Variants in ROBO3 observed in about 807,000 individuals in gnomAD.
The protein encoded by ROBO3 is roundabout guidance receptor 3.
In ROBO3, 97 loss-of-function variants were observed where a neutral mutation model predicts 160.5. The observed-to-expected ratio is 0.60, with a 90% CI of 0.51 to 0.72. The LOEUF is 0.72. Among genes scored for constraint, ROBO3 ranks in the 30% least tolerant of loss-of-function variants. The pLI, the probability that ROBO3 is intolerant of heterozygous loss-of-function variation, is 0.00. For synonymous variants in ROBO3, 780 were observed against 746.2 expected (o/e 1.05, Z -0.74); for missense variants, 1,858 against 1,846.5 (o/e 1.01, Z -0.11).
rs1384046780 is a variant in ROBO3, at chr11:124,878,365, A to G, written c.3249A>G (p.Glu1083=). 4.3e-6 allele frequency: 7 copies of G among 1,613,852 alleles called. No individual in the cohort carries two copies. The highest frequency in any genetic ancestry group is 1.3e-5 in the African/African-American group (1 of 74,928). The change falls in exon 22 of 28, where the codon GAA becomes GAG. Residue 1083 remains glutamate (E), a synonymous_variant. Transcript: ENST00000397801. The surrounding 1 kb of genome is among the most constrained non-coding windows in gnomAD (Gnocchi z 4.3). The part of the protein sequence containing the change: ...PVQMPSLNWP[E]ALPPPPPSCE... ...AGATGCCCTCTCTGAACTGGCCAGAAGCCCTGCCCCCACCTCCTCCTTCTT... is the reference window on the plus strand; with the variant it reads ...AGATGCCCTCTCTGAACTGGCCAGAGGCCCTGCCCCCACCTCCTCCTTCTT...
In ROBO3 at chr11:124,880,591, G is replaced by A. The variant is rs550979973; in HGVS notation, c.4132G>A (p.Gly1378Arg). Residue 1378 changes from glycine to arginine, a missense_variant, in exon 27 of 28, where the codon GGA becomes AGA. Coordinates refer to ENST00000397801, the MANE Select transcript of ROBO3 (RefSeq NM_022370.4). ...SQSRSQSQRP[G>R]QKRREEPR ...GAGCCGGAGCCAGAGCCAAAGGCCA[G>A]GACAGAAACGCCGAGAGGTAGGGGC... The A allele has an allele frequency of 6.5e-7, 1 of 1,547,990 alleles. No homozygotes were observed. The highest frequency in any genetic ancestry group is 8.7e-7 in the Non-Finnish European group (1 of 1,146,168).
intron 1 of ROBO3, among the ~76,000 whole-genome samples, chr11:124,866,188 C>A (rs533128203): frequency 6.6e-6 from 1 of 152,176 alleles, no homozygotes; most frequent in Non-Finnish European, 1.5e-5. Context: ...CACTTAGGAC[C>A]AGAGGAAGCC....
chr11:124,873,155 T>C lies in ROBO3; in HGVS notation c.1536+66T>C. 1 of 1,527,016 alleles carries C rather than the reference T, an allele frequency of 6.5e-7. No individual in the cohort carries two copies. The highest frequency in any genetic ancestry group is 9.0e-7 in the Non-Finnish European group (1 of 1,112,112). The allele number at this position is 1,527,016 out of a possible 1,614,324, so 94.6% of individuals were successfully genotyped here. A position where few individuals can be genotyped will look rare whatever the true frequency, so the allele number is the denominator to read the frequency against. Reference sequence around the variant, plus strand: ...ATCTGCTCCACGTTCCTTACACAAGTAAGTACTCACTGGGCCTGTAGCCCC... The same window carrying C: ...ATCTGCTCCACGTTCCTTACACAAGCAAGTACTCACTGGGCCTGTAGCCCC... On this transcript the variant is annotated intron_variant, in intron 9 of 27. Coordinates refer to ENST00000397801, the MANE Select transcript of ROBO3 (RefSeq NM_022370.4). The surrounding 1 kb of genome is among the most constrained non-coding windows in gnomAD (Gnocchi z 4.5).
In ROBO3 at chr11:124,878,814, A is replaced by AG; in HGVS notation, c.3533+18_3533+19insG. On this transcript the variant is annotated intron_variant, in intron 23 of 27. Transcript: ENST00000397801. The surrounding 1 kb of genome is among the most constrained non-coding windows in gnomAD (Gnocchi z 4.3). The stretch of plus-strand genomic sequence containing the variant: ...ATGCCCAGGTAGGGAGGTATATAGT[A>AG]CCTCACTCATTGCAAGCCCTCTATA... The AG allele has an allele frequency of 6.3e-7, 1 of 1,589,500 alleles. No homozygotes were observed. Among genetic ancestry groups the AG allele is most frequent in the Non-Finnish European group, 8.6e-7 (1 of 1,161,730 alleles).
rs150345765 is a variant in ROBO3 at position 124,877,571 on chromosome 11, C to T, written c.2899C>T (p.Pro967Ser). Residue 967 changes from proline to serine, a missense_variant, in exon 20 of 28, where the codon CCC becomes TCC. Coordinates refer to ENST00000397801, the MANE Select transcript of ROBO3 (RefSeq NM_022370.4). The part of the protein sequence containing the change: ...APYSWLADSW[P>S]HPSRSPSAQE... ...CTACTCATGGCTGGCAGATTCGTGG[C>T]CCCACCCATCTCGAAGCCCCTCGGC... is the stretch of plus-strand genomic sequence containing the variant. The T allele has an allele frequency of 1.9e-4, 309 of 1,602,434 alleles. No homozygotes were observed. Among genetic ancestry groups the T allele is most frequent in the Admixed American group, 3.4e-4 (20 of 58,342 alleles).
At chr11:124,870,433 C>T in intron 5 of ROBO3, 130 bp downstream of exon 5, 1 of 1,436,322 alleles carries the variant, frequency 7.0e-7, no homozygotes, top group Non-Finnish European at 9.5e-7. Flanking sequence ...GCCTGTGGCC[C>T]CAGTCCTATC....
At chr11:124,877,853 C>T (rs1252408296) in intron 20 of ROBO3, 84 bp from the exon 21 acceptor site, 1 of 1,204,332 alleles carries the variant, frequency 8.3e-7, no homozygotes, top group Admixed American at 2.0e-5. Flanking sequence ...GAAGTTGATC[C>T]CGTGGGATTT....
chr11:124,869,060 T>C lies in ROBO3; in HGVS notation c.419T>C (p.Val140Ala), dbSNP rs1325608962. 2 of 1,602,210 alleles carry C rather than the reference T, an allele frequency of 1.2e-6. No individual in the cohort carries two copies. The highest frequency in any genetic ancestry group is 2.7e-5 in the African/African-American group (2 of 74,642). ...HGRRARPDEG[V>A]YTCVARNYLG... is the part of the protein sequence containing the mutation. ...CGCCGCGCGCGGCCGGACGAAGGTG[T>C]CTACACTTGCGTGGCTCGCAACTAC... The change falls in exon 2 of 28, where the codon GTC becomes GCC. Residue 140 changes from valine (V) to alanine (A), a missense_variant. Coordinates refer to ENST00000397801, the MANE Select transcript of ROBO3 (RefSeq NM_022370.4). The surrounding 1 kb of genome is among the most constrained non-coding windows in gnomAD (Gnocchi z 4.2).
intron 20 of ROBO3, 102 bp from the exon 21 acceptor site, chr11:124,877,835 T>C (rs1289054107): frequency 8.6e-7 from 1 of 1,164,100 alleles, no homozygotes; most frequent in Non-Finnish European, 1.2e-6. Context: ...AAGGCTTGTG[T>C]GGGGGAAGAA....
At chr11:124,875,758 T>C in intron 15 of ROBO3, 73 bp downstream of exon 15, 2 of 1,530,348 alleles carry the variant, frequency 1.3e-6, no homozygotes, top group Non-Finnish European at 1.8e-6. Flanking sequence ...TGGCTAGAAT[T>C]AGGGTGGAGG....
chr11:124,877,603 A>T lies in ROBO3; in HGVS notation c.2931A>T (p.Glu977Asp), dbSNP rs763859563. ...CATCTCGAAGCCCCTCGGCCCAGGA[A>T]CCCAGGGGAAGCTGCTGCCCTAGCA... ...PHPSRSPSAQ[E>D]PRGSCCPSNP... Residue 977 changes from glutamate to aspartate, a missense_variant, in exon 20 of 28, where the codon GAA becomes GAT. Glu to Asp is a conservative substitution (Grantham distance 45). Transcript: ENST00000397801. 10 of 1,609,158 alleles carry T rather than the reference A, an allele frequency of 6.2e-6. No homozygotes were observed. In the East Asian group the frequency reaches 2.2e-4, roughly 36 times the overall value.
rs1946263519 is a variant in ROBO3, at chr11:124,870,274, C to G, written c.876C>G (p.Arg292=). The change falls in exon 5 of 28, where the codon CGC becomes CGG. Residue 292 remains arginine, a synonymous_variant. Coordinates refer to ENST00000397801, the MANE Select transcript of ROBO3 (RefSeq NM_022370.4). ...ATCCCCCACCTCGTCTACGCTGGCG[C>G]AAGGAGGATGGGGAACTGCCCACAG... ...KGDPPPRLRW[R]KEDGELPTGR... 2.5e-6 allele frequency: 4 copies of G among 1,613,996 alleles called. No individual in the cohort carries two copies.
Position 124,878,495 on chromosome 11 carries a change from G to T in ROBO3, c.3320+59G>T. 6.2e-7 allele frequency: 1 copy of T among 1,602,232 alleles called. No individual in the cohort carries two copies. ...CTGCGGCCAGACCATGGGCTGCTGGGGAGGAAGGGGAGGGGGCAGCAGGAA... is the reference window on the plus strand; with the variant it reads ...CTGCGGCCAGACCATGGGCTGCTGGTGAGGAAGGGGAGGGGGCAGCAGGAA... On this transcript the variant is annotated intron_variant, in intron 22 of 27. Coordinates refer to ENST00000397801, the MANE Select transcript of ROBO3 (RefSeq NM_022370.4). This position sits in a 1 kb window ranked among gnomAD's most constrained non-coding sequence, Gnocchi z 4.3.
Position 124,870,280 on chromosome 11 carries a change from G to T in ROBO3, c.882G>T (p.Glu294Asp). The part of the protein sequence containing the change: ...DPPPRLRWRK[E>D]DGELPTGRYE... ...CACCTCGTCTACGCTGGCGCAAGGAGGATGGGGAACTGCCCACAGGCAGGT... is the reference window on the plus strand; with the variant it reads ...CACCTCGTCTACGCTGGCGCAAGGATGATGGGGAACTGCCCACAGGCAGGT... The change falls in exon 5 of 28, where the codon GAG becomes GAT. Residue 294 changes from glutamate (E) to aspartate (D), a missense_variant. Physicochemically the swap from Glu to Asp is conservative, Grantham distance 45. Coordinates refer to ENST00000397801, the MANE Select transcript of ROBO3 (RefSeq NM_022370.4). The T allele has an allele frequency of 1.2e-6, 2 of 1,613,980 alleles. No homozygotes were observed. Among genetic ancestry groups the T allele is most frequent in the South Asian group, 1.1e-5 (1 of 91,076 alleles).
rs1555044941 is a variant in ROBO3, at chr11:124,869,429, G to GCT, written c.488-20_488-19insTC. The GCT allele has an allele frequency of 1.2e-5, 15 of 1,301,914 alleles. No individual in the cohort carries two copies. In the African/African-American group the frequency reaches 1.7e-4, roughly 15 times the overall value. The allele number at this position is 1,301,914 out of a possible 1,614,324, so 80.6% of individuals were successfully genotyped here. A position where few individuals can be genotyped will look rare whatever the true frequency, so the allele number is the denominator to read the frequency against. ...TGTCACTCTACACCCTGCTTATTTC[G>GCT]CCCCCCACCGCCCCGCCCAGTCCTC... On this transcript the variant is annotated intron_variant, in intron 2 of 27. Coordinates refer to ENST00000397801, the MANE Select transcript of ROBO3 (RefSeq NM_022370.4). The surrounding 1 kb of genome is among the most constrained non-coding windows in gnomAD (Gnocchi z 4.2).
chr11:124,876,984 T>C lies in ROBO3; in HGVS notation c.2780-177T>C, dbSNP rs543640036. ...TACACATAGGAATCACTTGAGGGGC[T>C]TGAGAAAAATACCGACACCTGAGTC... On this transcript the variant is annotated intron_variant, in intron 17 of 27. Transcript: ENST00000397801. This position sits in a 1 kb window ranked among gnomAD's most constrained non-coding sequence, Gnocchi z 5.3. 8 of 738,138 alleles carry C rather than the reference T, an allele frequency of 1.1e-5. No homozygotes were observed. Among genetic ancestry groups the C allele is most frequent in the Admixed American group, 4.1e-5 (2 of 48,536 alleles). 45.7% of individuals were successfully genotyped at this position (738,138 alleles called of 1,614,324 possible).
Position 124,865,543 on chromosome 11 carries a change from C to T in ROBO3, c.-35C>T. The T allele has an allele frequency of 6.2e-7, 1 of 1,603,598 alleles. No homozygotes were observed. Among genetic ancestry groups the T allele is most frequent in the Non-Finnish European group, 8.5e-7 (1 of 1,176,994 alleles). On this transcript the variant is annotated 5_prime_UTR_variant, in exon 1 of 28. Transcript: ENST00000397801. The surrounding 1 kb of genome is among the most constrained non-coding windows in gnomAD (Gnocchi z 5.5). ...GGTCTCAGACCCAGGGGCTGGGCCC[C>T]CAGCCCCCAGTCCCGATCCCAGCTG...
In ROBO3 at chr11:124,881,242, C is replaced by A; in HGVS notation, c.4153C>A (p.Pro1385Thr). The change falls in exon 28 of 28, where the codon CCA becomes ACA. Residue 1385 changes from proline (P) to threonine (T), a missense_variant. By Grantham distance (38) the Pro-to-Thr change is conservative (BLOSUM62 -1). Coordinates refer to ENST00000397801, the MANE Select transcript of ROBO3 (RefSeq NM_022370.4). ...QRPGQKRREEPR is the reference protein window; with the variant it reads ...QRPGQKRREETR ...GCATCTCTCTCTCTCTCCCTAGGAACCAAGATGACCCTTGTTGGGGCATTG... is the reference window on the plus strand; with the variant it reads ...GCATCTCTCTCTCTCTCCCTAGGAAACAAGATGACCCTTGTTGGGGCATTG... 1 of 1,605,566 alleles carries A rather than the reference C, an allele frequency of 6.2e-7. No individual in the cohort carries two copies. The highest frequency in any genetic ancestry group is 8.5e-7 in the Non-Finnish European group (1 of 1,175,942).
Position 124,869,434 on chromosome 11 carries a change from CCACCG to C in ROBO3, c.488-14_488-10del. 2 of 1,358,222 alleles carry C rather than the reference CCACCG, an allele frequency of 1.5e-6. No individual in the cohort carries two copies. The highest frequency in any genetic ancestry group is 1.5e-5 in the African/African-American group (1 of 64,550). 84.1% of individuals were successfully genotyped at this position (1,358,222 alleles called of 1,614,324 possible). A position where few individuals can be genotyped will look rare whatever the true frequency, so the allele number is the denominator to read the frequency against. ...CTCTACACCCTGCTTATTTCGCCCC[CCACCG>C]CCCCGCCCAGTCCTCCGTGATGATT... On this transcript the variant is annotated splice_polypyrimidine_tract_variant and intron_variant, in intron 2 of 27. Transcript: ENST00000397801. The surrounding 1 kb of genome is among the most constrained non-coding windows in gnomAD (Gnocchi z 4.2).
Sources: gnomAD v4.1 joint callset for allele counts (sites outside exome capture counted in the v4.1 genomes callset) on GRCh38, gnomAD v4.1.1 for gene constraint, Gnocchi (gnomAD v3.1) non-coding constraint, MANE v1.5 for transcripts, NCBI Gene and HGNC (gene_info 2026-07-23, HGNC 2026-07-21) for gene names.